The following BCL9 variants were observed in gnomAD, a reference collection of about 807,000 sequenced individuals.
BCL9 encodes B-cell CLL/lymphoma 9 protein.
In BCL9, 25 loss-of-function variants were observed where a neutral mutation model predicts 88.5. The observed-to-expected ratio is 0.28, with a 90% confidence interval of 0.21 to 0.39. The LOEUF (loss-of-function observed/expected upper bound fraction) is 0.39, where lower values mean the gene tolerates loss of function less well. BCL9 is among the 10% of genes least tolerant of loss of function. The pLI, the probability that BCL9 is intolerant of heterozygous loss-of-function variation, is 1.00. For synonymous variants in BCL9, 711 were observed against 673.3 expected (o/e 1.06, Z -0.87); for missense variants, 1,817 against 1,877.8 (o/e 0.97, Z 0.60).
chr1:147,593,398 G>A (rs1557841761), intron 1 of BCL9, among the ~76,000 whole-genome samples: 1 of 151,962 alleles, frequency 6.6e-6, no homozygotes. Flanking sequence ...CCTTTGCCTG[G>A]CTGACTCCTA....
intron 7 of BCL9, among the ~76,000 whole-genome samples, chr1:147,617,304 A>C (rs782532419): frequency 6.6e-6 from 1 of 152,212 alleles, no homozygotes; most frequent in Non-Finnish European, 1.5e-5. Context: ...GAGTTAAGGA[A>C]GGAATTGGGA....
rs1449343483 is a variant in BCL9 at position 147,570,641 on chromosome 1, T to TTTC, written c.-478+28969_-478+28970insCTT. ...TGTTGACTGATTTTCTTTTTTTTCT[T>TTTC]TTTTTTTTTTGTAGATGGAGTTTTG... On this transcript the variant is annotated intron_variant, in intron 1 of 9. Coordinates refer to ENST00000234739, the MANE Select transcript of BCL9 (RefSeq NM_004326.4). Among the ~76,000 whole-genome samples, 17 of 10,850 alleles carry TTTC rather than the reference T, an allele frequency of 1.6e-3. 1 individual carries two copies. The highest frequency in any genetic ancestry group is 9.6e-3 in the South Asian group (4 of 416). 7.1% of individuals were successfully genotyped at this position (10,850 alleles called of 152,430 possible). A position where few individuals can be genotyped will look rare whatever the true frequency, so the allele number is the denominator to read the frequency against.
At chr1:147,607,130 T>C (rs1383494600) in intron 3 of BCL9, among the ~76,000 whole-genome samples, 1 of 152,216 alleles carries the variant, frequency 6.6e-6, no homozygotes, top group African/African-American at 2.4e-5. Flanking sequence ...ACATACTATC[T>C]CCAAGTTCAT....
intron 1 of BCL9, among the ~76,000 whole-genome samples, chr1:147,549,571 A>G (rs1654793723): frequency 6.6e-6 from 1 of 152,196 alleles, no homozygotes; most frequent in South Asian, 2.1e-4. Flanking sequence ...TGCAGTTGTG[A>G]CCATCTGAAA....
At chr1:147,575,360 C>T (rs1656062514) in intron 1 of BCL9, among the ~76,000 whole-genome samples, 1 of 152,176 alleles carries the variant, frequency 6.6e-6, no homozygotes, top group African/African-American at 2.4e-5. Flanking sequence ...GTCTGCCTTT[C>T]CCACCAAACC....
chr1:147,593,952 T>C (rs1656944671), intron 1 of BCL9, among the ~76,000 whole-genome samples: 1 of 152,178 alleles, frequency 6.6e-6, no homozygotes, highest in African/African-American at 2.4e-5. Context: ...AAAGAAAACA[T>C]TGTTTTTGAC....
At chr1:147,590,984 T>C (rs1656820986) in intron 1 of BCL9, among the ~76,000 whole-genome samples, 1 of 152,208 alleles carries the variant, frequency 6.6e-6, no homozygotes, top group Non-Finnish European at 1.5e-5. Flanking sequence ...TTTACATGTT[T>C]TTTTCCCTTG....
At chr1:147,609,344 G>T (rs193232801) in intron 3 of BCL9, among the ~76,000 whole-genome samples, 151 of 152,270 alleles carry the variant, frequency 9.9e-4, no homozygotes, top group Non-Finnish European at 1.5e-3. Flanking sequence ...TATTTCCTTG[G>T]GCTAGGGATT....
At chr1:147,584,569 G>A (rs918803396) in intron 1 of BCL9, among the ~76,000 whole-genome samples, 1 of 152,034 alleles carries the variant, frequency 6.6e-6, no homozygotes, top group Non-Finnish European at 1.5e-5. Flanking sequence ...TATGTTCAAT[G>A]GTGTATGTGT....
At chr1:147,617,382 C>A (rs1389337795) in intron 7 of BCL9, among the ~76,000 whole-genome samples, 2 of 152,160 alleles carry the variant, frequency 1.3e-5, no homozygotes, top group African/African-American at 4.8e-5. Flanking sequence ...TCAGTATCCA[C>A]CCACAACAAA....
Position 147,578,814 on chromosome 1 carries a change from A to C in BCL9, c.-477-25963A>C, listed in dbSNP as rs914187276. ...GTTATTCCTTTTGAATTTTATGTGA[A>C]GTATAAGGGAAAGGTACCCAGACTT... On this transcript the variant is annotated intron_variant, in intron 1 of 9. Coordinates refer to ENST00000234739, the MANE Select transcript of BCL9 (RefSeq NM_004326.4). Among the ~76,000 whole-genome samples, 411 of 151,904 alleles carry C rather than the reference A, an allele frequency of 2.7e-3. 9 individuals are homozygous for C. Among genetic ancestry groups the C allele is most frequent in the East Asian group, 1.4e-3 (7 of 5,174 alleles).
chr1:147,617,565 G>C (rs1206722744), intron 7 of BCL9, among the ~76,000 whole-genome samples: 1 of 152,120 alleles, frequency 6.6e-6, no homozygotes, highest in African/African-American at 2.4e-5. Flanking sequence ...GAAGTGCATG[G>C]ATACCTCAAA....
chr1:147,612,781 C>A, intron 4 of BCL9, 102 bp from the exon 5 acceptor site: 1 of 1,197,124 alleles, frequency 8.4e-7, no homozygotes, highest in Non-Finnish European at 1.2e-6. Flanking sequence ...TTATTTTAGT[C>A]CTAAGGGTCT....
In BCL9 at chr1:147,613,479, C is replaced by T. The variant is rs116748299; in HGVS notation, c.370+280C>T. 4.0e-3 allele frequency among the ~76,000 whole-genome samples: 604 copies of T among 152,288 alleles called. 5 individuals are homozygous for T. Among genetic ancestry groups the T allele is most frequent in the African/African-American group, 0.014 (568 of 41,560 alleles). Reference sequence around the variant, plus strand: ...TCACAGGCCTATCCCTGTTCGTACACGTTTCTGGCCTCTATGCTGTTTGTA... The same window carrying T: ...TCACAGGCCTATCCCTGTTCGTACATGTTTCTGGCCTCTATGCTGTTTGTA... On this transcript the variant is annotated intron_variant, in intron 5 of 9. Transcript: ENST00000234739.
At chr1:147,596,124 C>G (rs1553200432) in intron 1 of BCL9, among the ~76,000 whole-genome samples, 1 of 152,206 alleles carries the variant, frequency 6.6e-6, no homozygotes. Context: ...GAACAAGACT[C>G]AAGCTCTCAT....
At chr1:147,604,330 T>G (rs138729465) in intron 1 of BCL9, among the ~76,000 whole-genome samples, 2 of 152,314 alleles carry the variant, frequency 1.3e-5, no homozygotes, top group African/African-American at 4.8e-5. Context: ...TTTTGAAAGT[T>G]ATATTATCTC....
intron 1 of BCL9, among the ~76,000 whole-genome samples, chr1:147,544,007 T>C (rs1275677849): frequency 6.6e-6 from 1 of 152,222 alleles, no homozygotes; most frequent in Non-Finnish European, 1.5e-5. Flanking sequence ...TTTGCATAAA[T>C]TCATTCATGT....
chr1:147,614,415 T>C lies in BCL9; in HGVS notation c.371-12T>C, dbSNP rs1553203326. ...TTTATTCTTTCTGTGACGAGTCATT[T>C]TATTCTTTTAGAATGTAATTCTGCT... On this transcript the variant is annotated splice_polypyrimidine_tract_variant and intron_variant, in intron 5 of 9. Coordinates refer to ENST00000234739, the MANE Select transcript of BCL9 (RefSeq NM_004326.4). 6 of 1,612,636 alleles carry C rather than the reference T, an allele frequency of 3.7e-6. No homozygotes were observed. Among genetic ancestry groups the C allele is most frequent in the Non-Finnish European group, 3.4e-6 (4 of 1,178,646 alleles).
Position 147,623,938 on chromosome 1 carries a change from C to G in BCL9, c.3260C>G (p.Ser1087Cys), listed in dbSNP as rs782098919. 2 of 1,614,222 alleles carry G rather than the reference C, an allele frequency of 1.2e-6. No homozygotes were observed. Among genetic ancestry groups the G allele is most frequent in the Non-Finnish European group, 1.7e-6 (2 of 1,180,054 alleles). ...CCAATGGGAATGACCCAGCCACTTT[C>G]TCACTCCAATCAGATGCCCTCTCCA... ...LSPMGMTQPLSHSNQMPSPNA... is the reference protein window; with the variant it reads ...LSPMGMTQPLCHSNQMPSPNA... The change falls in exon 10 of 10, where the codon TCT (serine) becomes TGT (cysteine). Residue 1087 changes from serine (S) to cysteine (C), a missense_variant. Around this residue, in one of 2 missense-constraint regions of BCL9, gnomAD observed 589 missense variants for 686.2 expected, o/e 0.86. Transcript: ENST00000234739.
Sources: gnomAD v4.1 joint callset for allele counts (sites outside exome capture counted in the v4.1 genomes callset) on GRCh38, gnomAD v4.1.1 for gene constraint, gnomAD v4.1.1 regional missense constraint, MANE v1.5 for transcripts, NCBI Gene and HGNC (gene_info 2026-07-23, HGNC 2026-07-21) for gene names.